The following DSC3 variants were observed in gnomAD, a reference collection of about 807,000 sequenced individuals.
DSC3 encodes desmocollin-3.
In DSC3, 97 loss-of-function variants were observed where a neutral mutation model predicts 89.5. The observed-to-expected ratio is 1.08, with a 90% CI of 0.92 to 1.28. The LOEUF (loss-of-function observed/expected upper bound fraction) is 1.28. Among genes scored for constraint, DSC3 ranks in the 50% most tolerant of loss-of-function variants. The pLI is 0.00. For synonymous variants in DSC3, 436 were observed against 384.1 expected, an observed-to-expected ratio of 1.14 and a Z score of -1.58; for missense variants, 1,199 against 1,085.3, an observed-to-expected ratio of 1.10 and a Z score of -1.47.
intron 1 of DSC3, among the ~76,000 whole-genome samples, chr18:31,033,740 C>T (rs986200772): frequency 3.9e-5 from 6 of 152,164 alleles, no homozygotes; most frequent in Non-Finnish European, 5.9e-5. Context: ...TTAAATAATG[C>T]TTATTCAAAG....
intron 3 of DSC3, among the ~76,000 whole-genome samples, chr18:31,030,238 A>G (rs1322784171): frequency 6.6e-6 from 1 of 152,216 alleles, no homozygotes; most frequent in Non-Finnish European, 1.5e-5. Flanking sequence ...TGCCATCTCT[A>G]TCATGGGAAA....
rs1337620118 is a variant in DSC3 at position 31,001,606 on chromosome 18, A to G, written c.2235+12T>C. ...GGAGATACAAATACATATTTATTTA[A>G]AAATTACTTACCACTCTATCGTCTC... On this transcript the variant is annotated intron_variant, in intron 14 of 15. Transcript: ENST00000360428. The G allele has an allele frequency of 6.2e-7, 1 of 1,608,546 alleles. No homozygotes were observed.
chr18:31,007,019 G>C lies in DSC3; in HGVS notation c.1776C>G (p.Thr592=). The change falls in exon 12 of 16, where the codon ACC becomes ACG. Residue 592 remains threonine (T), a synonymous_variant. Coordinates refer to ENST00000360428, the MANE Select transcript of DSC3 (RefSeq NM_001941.5). ...CATCAGGATCAACAGCTAAAATGTC[G>C]GTATACCCCATTTTTGGTTTGCAAA... ...VVICKPKMGY[T]DILAVDPDEP... is the part of the protein sequence containing the mutation. 1 of 1,613,776 alleles carries C rather than the reference G, an allele frequency of 6.2e-7. No homozygotes were observed. Among genetic ancestry groups the C allele is most frequent in the Non-Finnish European group, 8.5e-7 (1 of 1,179,844 alleles).
At chr18:31,007,825 A>G (rs573497492) in intron 11 of DSC3, among the ~76,000 whole-genome samples, 191 bp downstream of exon 11, 1 of 152,336 alleles carries the variant, frequency 6.6e-6, no homozygotes, top group Non-Finnish European at 1.5e-5. Context: ...GGGGATATAA[A>G]GATAAATAAA....
intron 14 of DSC3, among the ~76,000 whole-genome samples, chr18:30,999,864 C>T (rs1984594029): frequency 6.6e-6 from 1 of 152,060 alleles, no homozygotes; most frequent in Admixed American, 6.5e-5. Context: ...ATTAATAATT[C>T]CAAGCCCCTT....
rs1219329907 is a variant in DSC3 at position 30,990,086 on chromosome 18, T to C, written c.*4089A>G. 6.6e-6 allele frequency: 1 copy of C among 152,244 alleles called. No individual in the cohort carries two copies. Among genetic ancestry groups the C allele is most frequent in the East Asian group, 1.9e-4 (1 of 5,198 alleles). The allele number at this position is 152,244 out of a possible 1,614,324, so 9.4% of individuals were successfully genotyped here. A position where few individuals can be genotyped will look rare whatever the true frequency, so the allele number is the denominator to read the frequency against. On this transcript the variant is annotated 3_prime_UTR_variant, in exon 16 of 16. Coordinates refer to ENST00000360428, the MANE Select transcript of DSC3 (RefSeq NM_001941.5). The stretch of plus-strand genomic sequence containing the variant: ...GATATTGTTCGGTAGTATATCCAAC[T>C]ACATAATTTTACCAACTACCTCACA...
intron 1 of DSC3, among the ~76,000 whole-genome samples, chr18:31,038,301 C>A (rs1986033632): frequency 6.6e-6 from 1 of 152,156 alleles, no homozygotes. Context: ...AAAGAAATAA[C>A]TTATCACAAA....
Position 31,007,089 on chromosome 18 carries a change from T to A in DSC3, c.1706A>T (p.Asp569Val), listed in dbSNP as rs778811563. 6 of 1,613,888 alleles carry A rather than the reference T, an allele frequency of 3.7e-6. No homozygotes were observed. The South Asian group carries it at 5.5e-5, about 15-fold the overall frequency. The change falls in exon 12 of 16, where the codon GAT becomes GTT. Residue 569 changes from aspartate (D) to valine (V), a missense_variant. By Grantham distance (152) the Asp-to-Val change is radical (BLOSUM62 -3). Coordinates refer to ENST00000360428, the MANE Select transcript of DSC3 (RefSeq NM_001941.5). ...TATTTCTGGTGGATTATCATTTACA[T>A]CTTCAATGTTCACAGCAAGTGTTCC... ...CTGTLAVNIE[D>V]VNDNPPEILQ...
chr18:31,004,818 T>C (rs149368161), intron 12 of DSC3, among the ~76,000 whole-genome samples: 3 of 152,308 alleles, frequency 2.0e-5, no homozygotes, highest in Non-Finnish European at 4.4e-5. Context: ...TGTTTACGAT[T>C]AACACCTTTG....
chr18:31,024,563 A>G, intron 5 of DSC3, 70 bp from the exon 6 acceptor site: 5 of 1,513,942 alleles, frequency 3.3e-6, no homozygotes, highest in Admixed American at 2.0e-5. Context: ...TGCTTTATCT[A>G]CTACCTGCCT....
Position 31,006,963 on chromosome 18 carries a change from C to G in DSC3, c.1832G>C (p.Ser611Thr). The change falls in exon 12 of 16, where the codon AGT (serine) becomes ACT (threonine). Residue 611 changes from serine (S) to threonine (T), a missense_variant. By Grantham distance (58) the Ser-to-Thr change is moderately conservative. Transcript: ENST00000360428. ...GATTTCTGGAGAAGTATTGGGCAAA[C>G]TGAAATAAAATGGAGCTCCATGGAC... ...EPVHGAPFYF[S>T]LPNTSPEISR... 6.2e-7 allele frequency: 1 copy of G among 1,613,848 alleles called. No homozygotes were observed. The highest frequency in any genetic ancestry group is 8.5e-7 in the Non-Finnish European group (1 of 1,179,920).
intron 6 of DSC3, 65 bp downstream of exon 6, chr18:31,024,284 A>G: frequency 6.9e-7 from 1 of 1,456,498 alleles, no homozygotes; most frequent in Middle Eastern, 2.6e-4. Context: ...AAAAAGCTCT[A>G]TGTCTTTTAA....
chr18:31,009,765 G>A (rs1481909382), intron 9 of DSC3, among the ~76,000 whole-genome samples: 4 of 152,144 alleles, frequency 2.6e-5, no homozygotes, highest in African/African-American at 9.7e-5. Context: ...CAGAAAACGG[G>A]AAAAGGAGAT....
Position 30,992,175 on chromosome 18 carries a change from A to AAAG in DSC3, c.*1999_*2000insCTT, listed in dbSNP as rs1984282752. 2 of 85,608 alleles carry AAAG rather than the reference A, an allele frequency of 2.3e-5. No homozygotes were observed. Among genetic ancestry groups the AAAG allele is most frequent in the African/African-American group, 7.3e-5 (2 of 27,346 alleles). 5.3% of individuals were successfully genotyped at this position (85,608 alleles called of 1,614,324 possible). On this transcript the variant is annotated 3_prime_UTR_variant, in exon 16 of 16. Coordinates refer to ENST00000360428, the MANE Select transcript of DSC3 (RefSeq NM_001941.5). ...AGCGAGACTCCGTCTCAAAAAAAAA[A>AAAG]GGGGGGGGGGGGGGCAATAAAAAGT...
intron 9 of DSC3, among the ~76,000 whole-genome samples, chr18:31,012,255 T>A (rs752486084): frequency 1.9e-4 from 29 of 152,138 alleles, no homozygotes; most frequent in Admixed American, 3.9e-4. Context: ...AAAAATATAA[T>A]TTAAAAAGTA....
At chr18:31,024,288 C>G (rs1985520173) in intron 6 of DSC3, 61 bp downstream of exon 6, 4 of 1,472,788 alleles carry the variant, frequency 2.7e-6, no homozygotes, top group Non-Finnish European at 3.6e-6. Flanking sequence ...AGCTCTATGT[C>G]TTTTAAAATG....
Position 30,990,934 on chromosome 18 carries a change from A to G in DSC3, c.*3241T>C, listed in dbSNP as rs1427998388. 1 of 151,596 alleles carries G rather than the reference A, an allele frequency of 6.6e-6. No individual in the cohort carries two copies. Among genetic ancestry groups the G allele is most frequent in the African/African-American group, 2.4e-5 (1 of 41,168 alleles). 9.4% of individuals were successfully genotyped at this position (151,596 alleles called of 1,614,324 possible). A position where few individuals can be genotyped will look rare whatever the true frequency, so the allele number is the denominator to read the frequency against. Reference sequence around the variant, plus strand: ...GATGTCGACAATTTGATAATGAAACATTGTCCAAAATATTCCCCATTAATA... The same window carrying G: ...GATGTCGACAATTTGATAATGAAACGTTGTCCAAAATATTCCCCATTAATA... On this transcript the variant is annotated 3_prime_UTR_variant, in exon 16 of 16. Coordinates refer to ENST00000360428, the MANE Select transcript of DSC3 (RefSeq NM_001941.5).
chr18:31,006,208 C>CT (rs757474832), intron 12 of DSC3, among the ~76,000 whole-genome samples: 1 of 152,120 alleles, frequency 6.6e-6, no homozygotes, highest in Non-Finnish European at 1.5e-5. Context: ...AGTGCTTGGT[C>CT]TATACACCTG....
At chr18:31,027,463 GT>G (rs1598548426) in intron 4 of DSC3, among the ~76,000 whole-genome samples, 1 of 95,016 alleles carries the variant, frequency 1.1e-5, no homozygotes. Context: ...AGATGCATTG[GT>G]TTCCTTCCTT....
Sources: allele counts gnomAD v4.1 joint callset (sites outside exome capture counted in the v4.1 genomes callset), GRCh38; gene constraint gnomAD v4.1.1; transcripts MANE v1.5; gene names NCBI Gene and HGNC (gene_info 2026-07-23, HGNC 2026-07-21).